ABTB2: variants seen among roughly 807,000 people sequenced by gnomAD.
ABTB2 encodes the protein ankyrin repeat and BTB/POZ domain-containing protein 2.
Under a neutral mutation model 104.1 loss-of-function variants are expected in ABTB2, and 56 were observed. That is an observed-to-expected ratio of 0.54 (90% CI 0.43 to 0.67). ABTB2 has a LOEUF of 0.67. Ranked by LOEUF, ABTB2 falls within the 30% of genes least tolerant of loss-of-function variation. The pLI, the probability that ABTB2 is intolerant of heterozygous loss-of-function variation, is 0.00. For synonymous variants in ABTB2, 606 were observed against 608.2 expected (o/e 1.00, Z 0.05); for missense variants, 1,279 against 1,407.7 (o/e 0.91, Z 1.46).
chr11:34,296,090 C>G (rs1295199284), intron 1 of ABTB2, among the ~76,000 whole-genome samples: 1 of 152,160 alleles, frequency 6.6e-6, no homozygotes, highest in Admixed American at 6.5e-5. Context: ...TATGATCATG[C>G]CACTGTACTC....
At chr11:34,171,221 C>G in intron 4 of ABTB2, 150 bp from the exon 5 acceptor site, 4 of 787,186 alleles carry the variant, frequency 5.1e-6, no homozygotes, top group Non-Finnish European at 7.9e-6. Flanking sequence ...CAATTACTGT[C>G]CCCATCATGT....
At chr11:34,249,394 G>C (rs1854026977) in intron 1 of ABTB2, among the ~76,000 whole-genome samples, 1 of 152,222 alleles carries the variant, frequency 6.6e-6, no homozygotes, top group Admixed American at 6.5e-5. Context: ...ATCCAGAGCT[G>C]GCTGCAGGTT....
At chr11:34,168,029 A>G in intron 5 of ABTB2, 37 bp from the exon 6 acceptor site, 1 of 1,587,652 alleles carries the variant, frequency 6.3e-7, no homozygotes, top group Non-Finnish European at 8.6e-7. Context: ...ACTGTTTGCA[A>G]ACAGAACACA....
intron 6 of ABTB2, 40 bp from the exon 7 acceptor site, chr11:34,167,400 CG>C: frequency 6.5e-7 from 1 of 1,548,184 alleles, no homozygotes. Context: ...TCTGGGCACC[CG>C]AGCGAAGGGA....
rs140590098 is a variant in ABTB2, at chr11:34,226,375, G to A, written c.884-21685C>T. Among the ~76,000 whole-genome samples the A allele has an allele frequency of 4.9e-4, 75 of 152,220 alleles. No homozygotes were observed. In the East Asian group the frequency reaches 0.014, roughly 27 times the overall value. Reference sequence around the variant, plus strand: ...AGGAGCTCTCCTATGGGAATAGAAAGCAAAACCAAGATCCCCTCACACAAA... The same window carrying A: ...AGGAGCTCTCCTATGGGAATAGAAAACAAAACCAAGATCCCCTCACACAAA... On this transcript the variant is annotated intron_variant, in intron 1 of 16. Coordinates refer to ENST00000435224, the MANE Select transcript of ABTB2 (RefSeq NM_145804.3).
intron 1 of ABTB2, among the ~76,000 whole-genome samples, chr11:34,229,475 C>A (rs1478331354): frequency 1.4e-5 from 2 of 143,762 alleles, no homozygotes; most frequent in Non-Finnish European, 1.5e-5. Flanking sequence ...AGTGAGACTC[C>A]ATCTCAAAAA....
At chr11:34,285,674 G>A (rs1466508497) in intron 1 of ABTB2, among the ~76,000 whole-genome samples, 1 of 152,076 alleles carries the variant, frequency 6.6e-6, no homozygotes, top group African/African-American at 2.4e-5. Flanking sequence ...ATTCACTCAG[G>A]GATTTCAGTA....
chr11:34,203,541 G>C (rs955119233), intron 2 of ABTB2, among the ~76,000 whole-genome samples: 2 of 152,058 alleles, frequency 1.3e-5, no homozygotes, highest in Non-Finnish European at 2.9e-5. Context: ...AGGGGACAGG[G>C]GACCCAGGCA....
intron 5 of ABTB2, among the ~76,000 whole-genome samples, chr11:34,170,676 C>G (rs1364093076): frequency 6.6e-6 from 1 of 152,212 alleles, no homozygotes; most frequent in Non-Finnish European, 1.5e-5. Flanking sequence ...GCCAGCTGTC[C>G]AGCCAGGGAA....
chr11:34,340,998 T>C (rs11603725), intron 1 of ABTB2, among the ~76,000 whole-genome samples: 2 of 152,216 alleles, frequency 1.3e-5, no homozygotes, highest in Admixed American at 6.5e-5. Flanking sequence ...ATGGTAGCAA[T>C]AGCACTCCCT....
chr11:34,260,285 G>C (rs182648257), intron 1 of ABTB2, among the ~76,000 whole-genome samples: 1 of 152,278 alleles, frequency 6.6e-6, no homozygotes, highest in Admixed American at 6.5e-5. Flanking sequence ...TGATCAAGTG[G>C]AACAGGGAGA....
At chr11:34,198,448 C>CA (rs1164051896) in intron 2 of ABTB2, among the ~76,000 whole-genome samples, 3 of 78,092 alleles carry the variant, frequency 3.8e-5, no homozygotes, top group East Asian at 5.0e-4. Flanking sequence ...AAACAAACAA[C>CA]AACAACAAAA....
At chr11:34,329,902 T>C (rs959764679) in intron 1 of ABTB2, among the ~76,000 whole-genome samples, 3 of 152,204 alleles carry the variant, frequency 2.0e-5, no homozygotes, top group Non-Finnish European at 2.9e-5. Context: ...TAGAAGCTAC[T>C]TTATGGTTTC....
At chr11:34,305,784 G>A (rs893366188) in intron 1 of ABTB2, among the ~76,000 whole-genome samples, 15 of 152,118 alleles carry the variant, frequency 9.9e-5, no homozygotes, top group Admixed American at 2.6e-4. Context: ...CTCACCAATT[G>A]TTAACATCTT....
chr11:34,275,153 C>G (rs958185284), intron 1 of ABTB2, among the ~76,000 whole-genome samples: 10 of 152,214 alleles, frequency 6.6e-5, no homozygotes, highest in African/African-American at 2.2e-4. Context: ...CCAAACCCAA[C>G]AGGAAACATC....
chr11:34,162,410 G>T lies in ABTB2; in HGVS notation c.2218+166C>A, dbSNP rs566926812. 1.4e-4 allele frequency among the ~76,000 whole-genome samples: 21 copies of T among 152,340 alleles called. No homozygotes were observed. In the East Asian group the frequency reaches 4.1e-3, roughly 29 times the overall value. Reference sequence around the variant, plus strand: ...CCAGGGCCCCTCCTGAACTGGCCGTGTAGCAGGGGGGTCCCAGCCTCCACC... The same window carrying T: ...CCAGGGCCCCTCCTGAACTGGCCGTTTAGCAGGGGGGTCCCAGCCTCCACC... On this transcript the variant is annotated intron_variant, in intron 10 of 16. Coordinates refer to ENST00000435224, the MANE Select transcript of ABTB2 (RefSeq NM_145804.3).
intron 1 of ABTB2, among the ~76,000 whole-genome samples, chr11:34,327,069 C>T (rs1213072635): frequency 7.2e-5 from 11 of 152,080 alleles, no homozygotes; most frequent in Admixed American, 2.6e-4. Context: ...AGCGAGACTC[C>T]GTCTCAAAAA....
chr11:34,323,155 C>T (rs1855026785), intron 1 of ABTB2, among the ~76,000 whole-genome samples: 1 of 152,320 alleles, frequency 6.6e-6, no homozygotes, highest in African/African-American at 2.4e-5. Flanking sequence ...GATCCGCCTG[C>T]CTCAGCCTCC....
intron 1 of ABTB2, among the ~76,000 whole-genome samples, chr11:34,260,580 A>G (rs1854176881): frequency 2.0e-5 from 3 of 152,226 alleles, no homozygotes; most frequent in African/African-American, 7.2e-5. Context: ...TTCAAAGGAT[A>G]AATTGTATTG....
Sources: allele counts gnomAD v4.1 joint callset (sites outside exome capture counted in the v4.1 genomes callset), GRCh38; gene constraint gnomAD v4.1.1; transcripts MANE v1.5; gene names NCBI Gene and HGNC (gene_info 2026-07-23, HGNC 2026-07-21).